FRMD5: variants seen among roughly 807,000 people sequenced by gnomAD.
The protein encoded by FRMD5 is FERM domain-containing protein 5.
A neutral mutation model predicts 69.0 loss-of-function variants in FRMD5; 20 were observed. The observed-to-expected ratio is 0.29, with a 90% CI of 0.20 to 0.42. FRMD5 has a LOEUF of 0.42. Ranked by LOEUF, FRMD5 falls within the 10% of genes least tolerant of loss-of-function variation. The pLI is 1.00. For synonymous variants in FRMD5, 271 were observed against 260.1 expected, an observed-to-expected ratio of 1.04 and a Z score of -0.40; for missense variants, 595 against 708.6, an observed-to-expected ratio of 0.84 and a Z score of 1.82.
chr15:44,089,531 T>C (rs2076441443), intron 1 of FRMD5, among the ~76,000 whole-genome samples: 3 of 151,990 alleles, frequency 2.0e-5, no homozygotes, highest in African/African-American at 4.8e-5. Context: ...GGCAAAACCC[T>C]GTCTCTACAA....
intron 1 of FRMD5, among the ~76,000 whole-genome samples, chr15:43,996,842 A>G (rs2140156200): frequency 6.6e-6 from 1 of 151,784 alleles, no homozygotes; most frequent in Admixed American, 6.6e-5. Flanking sequence ...GAAAGCAGAA[A>G]CCATCTTTTA....
rs184186619 is a variant in FRMD5 at position 44,029,997 on chromosome 15, G to T, written c.103-105688C>A. On this transcript the variant is annotated intron_variant, in intron 1 of 13. Transcript: ENST00000417257. Reference sequence around the variant, plus strand: ...TTGTACTCTAGCCTCCAATGTTTCTGGTAATTAAAGAATAAGTGAACAAAC... The same window carrying T: ...TTGTACTCTAGCCTCCAATGTTTCTTGTAATTAAAGAATAAGTGAACAAAC... Among the ~76,000 whole-genome samples, 160 of 152,184 alleles carry T rather than the reference G, an allele frequency of 1.1e-3. 3 individuals are homozygous for T. In the East Asian group the frequency reaches 0.021, roughly 20 times the overall value.
Position 43,888,793 on chromosome 15 carries a change from G to A in FRMD5, c.792+16C>T. 1 of 1,610,220 alleles carries A rather than the reference G, an allele frequency of 6.2e-7. No homozygotes were observed. On this transcript the variant is annotated intron_variant, in intron 9 of 13. Transcript: ENST00000417257. ...TCACCCCAGCCCTCCTTGAAGAGAA[G>A]GAAGCCAGCACTCACCTCTTTCTGA...
chr15:43,927,160 C>G (rs1436015494), intron 1 of FRMD5, among the ~76,000 whole-genome samples: 23 of 152,082 alleles, frequency 1.5e-4, no homozygotes, highest in Admixed American at 1.5e-3. Context: ...CAATAAATCT[C>G]TGTTCTTTTA....
At chr15:43,959,508 T>C (rs1376655665) in intron 1 of FRMD5, among the ~76,000 whole-genome samples, 3 of 152,210 alleles carry the variant, frequency 2.0e-5, no homozygotes, top group African/African-American at 7.2e-5. Context: ...ATTTAGATTT[T>C]AATAGCTGCA....
At chr15:43,914,329 A>C (rs1253375790) in intron 4 of FRMD5, among the ~76,000 whole-genome samples, 1 of 152,154 alleles carries the variant, frequency 6.6e-6, no homozygotes, top group Non-Finnish European at 1.5e-5. Flanking sequence ...TCCCCTATTT[A>C]CTATTTCCTT....
At chr15:44,116,108 G>A (rs2076864517) in intron 1 of FRMD5, among the ~76,000 whole-genome samples, 3 of 151,820 alleles carry the variant, frequency 2.0e-5, no homozygotes, top group Admixed American at 6.6e-5. Context: ...GAAGGAGTGC[G>A]ATAAGGAAGA....
chr15:44,058,340 C>G (rs562517243), intron 1 of FRMD5, among the ~76,000 whole-genome samples: 12 of 152,038 alleles, frequency 7.9e-5, no homozygotes, highest in Non-Finnish European at 1.6e-4. Context: ...TGCCTCAGAC[C>G]GGAAGCTGGG....
intron 1 of FRMD5, among the ~76,000 whole-genome samples, chr15:44,035,889 G>A (rs1891886021): frequency 6.6e-6 from 1 of 152,098 alleles, no homozygotes; most frequent in African/African-American, 2.4e-5. Context: ...TCAGCTGGGA[G>A]GTTTTTATTT....
At chr15:44,080,450 A>C (rs1240189392) in intron 1 of FRMD5, among the ~76,000 whole-genome samples, 1 of 152,096 alleles carries the variant, frequency 6.6e-6, no homozygotes, top group African/African-American at 2.4e-5. Flanking sequence ...TACATTTCTA[A>C]ATCTACCTTT....
chr15:43,892,973 G>A (rs2088827680), intron 7 of FRMD5, among the ~76,000 whole-genome samples: 2 of 152,028 alleles, frequency 1.3e-5, no homozygotes, highest in Admixed American at 1.3e-4. Context: ...GCGTGGTGAT[G>A]CGTGCCTGTA....
intron 1 of FRMD5, among the ~76,000 whole-genome samples, chr15:44,083,611 G>C (rs1420403227): frequency 6.6e-6 from 1 of 151,896 alleles, no homozygotes; most frequent in African/African-American, 2.4e-5. Context: ...TACTGTTATT[G>C]ATGTTAGAAG....
chr15:43,873,392 G>T lies in FRMD5; in HGVS notation c.*493C>A. ...TCCCCATTGTCCAGATCCCTGGCCT[G>T]CCCTGCTGAGGCTGCAGTGATGAGT... On this transcript the variant is annotated 3_prime_UTR_variant, in exon 14 of 14. Coordinates refer to ENST00000417257, the MANE Select transcript of FRMD5 (RefSeq NM_032892.5). The T allele has an allele frequency of 2.1e-6, 3 of 1,442,590 alleles. No individual in the cohort carries two copies. The East Asian group carries it at 7.5e-5, about 36-fold the overall frequency. The allele number at this position is 1,442,590 out of a possible 1,614,324, so 89.4% of individuals were successfully genotyped here.
At chr15:44,162,911 A>C (rs1287406606) in intron 1 of FRMD5, among the ~76,000 whole-genome samples, 1 of 149,504 alleles carries the variant, frequency 6.7e-6, no homozygotes, top group Non-Finnish European at 1.5e-5. Context: ...GCGGTGGCTC[A>C]CGCCTGTAAT....
At chr15:44,129,478 C>T (rs1250391903) in intron 1 of FRMD5, among the ~76,000 whole-genome samples, 1 of 152,092 alleles carries the variant, frequency 6.6e-6, no homozygotes, top group African/African-American at 2.4e-5. Context: ...ATGGCAATTC[C>T]TCTGATTATG....
At chr15:44,194,803 T>C in intron 1 of FRMD5, 150 bp downstream of exon 1, 1 of 745,282 alleles carries the variant, frequency 1.3e-6, no homozygotes, top group South Asian at 1.5e-5. Context: ...GAAGACGCCC[T>C]GCACTAGGGC....
chr15:43,915,412 C>T (rs892667113), intron 4 of FRMD5, among the ~76,000 whole-genome samples: 1 of 152,194 alleles, frequency 6.6e-6, no homozygotes, highest in Non-Finnish European at 1.5e-5. Context: ...GGCACAGTGG[C>T]CTGGTGACTC....
At chr15:44,039,968 G>A (rs1370692632) in intron 1 of FRMD5, among the ~76,000 whole-genome samples, 2 of 151,948 alleles carry the variant, frequency 1.3e-5, no homozygotes, top group Admixed American at 1.3e-4. Flanking sequence ...AACTACTTTA[G>A]AGAAGAACAT....
intron 13 of FRMD5, among the ~76,000 whole-genome samples, chr15:43,883,306 C>T (rs938552667): frequency 3.3e-5 from 5 of 152,052 alleles, no homozygotes; most frequent in South Asian, 2.1e-4. Context: ...CCATTTTGGC[C>T]GGGCTGGTCT....
Sources: allele counts gnomAD v4.1 joint callset (sites outside exome capture counted in the v4.1 genomes callset), GRCh38; gene constraint gnomAD v4.1.1; transcripts MANE v1.5; gene names NCBI Gene and HGNC (gene_info 2026-07-23, HGNC 2026-07-21).